Variants in ROBO1 observed in about 807,000 individuals in gnomAD.
ROBO1 encodes the protein roundabout homolog 1.
ROBO1 carries 149 observed loss-of-function variants against 195.9 expected under a neutral mutation model. That is an observed-to-expected ratio of 0.76 (90% CI 0.67 to 0.87). The LOEUF is 0.87. Ranked by LOEUF, ROBO1 falls within the 40% of genes least tolerant of loss-of-function variation. The probability of loss-of-function intolerance (pLI) is 0.00; values close to 1 mark genes in which losing one functional copy is unlikely to be tolerated. For missense variants in ROBO1, 1,933 were observed against 2,068.3 expected (o/e 0.93, Z 1.27); for synonymous variants, 816 against 733.2 (o/e 1.11, Z -1.82).
chr3:79,106,983 A>C (rs985266496), intron 3 of ROBO1, among the ~76,000 whole-genome samples: 2 of 151,670 alleles, frequency 1.3e-5, no homozygotes, highest in Non-Finnish European at 3.0e-5. Context: ...CAATAATCTG[A>C]AGTCAACACA....
intron 4 of ROBO1, among the ~76,000 whole-genome samples, chr3:78,891,653 A>G (rs2036902282): frequency 6.6e-6 from 1 of 152,248 alleles, no homozygotes; most frequent in Non-Finnish European, 1.5e-5. Context: ...TGTGTTAGCA[A>G]CATATTCATA....
intron 3 of ROBO1, among the ~76,000 whole-genome samples, chr3:79,065,801 C>T (rs183284384): frequency 6.6e-6 from 1 of 152,020 alleles, no homozygotes; most frequent in East Asian, 1.9e-4. Context: ...AAGGATCTAA[C>T]ATATATCCTG....
intron 3 of ROBO1, among the ~76,000 whole-genome samples, chr3:79,037,444 G>A (rs2078400810): frequency 6.6e-6 from 1 of 152,054 alleles, no homozygotes; most frequent in Non-Finnish European, 1.5e-5. Flanking sequence ...TGTAGACATT[G>A]TTGATTTAGC....
chr3:78,627,691 G>T, intron 25 of ROBO1, 122 bp from the exon 26 acceptor site: 1 of 1,085,288 alleles, frequency 9.2e-7, no homozygotes, highest in Non-Finnish European at 1.3e-6. Context: ...TCACATTAAG[G>T]AGATATTATT....
chr3:79,169,161 G>A (rs1356632022), intron 2 of ROBO1, among the ~76,000 whole-genome samples: 1 of 152,076 alleles, frequency 6.6e-6, no homozygotes, highest in African/African-American at 2.4e-5. Context: ...ATTGATGACT[G>A]GGATCTCTTC....
At chr3:78,751,146 A>G (rs1165784917) in intron 4 of ROBO1, among the ~76,000 whole-genome samples, 4 of 152,152 alleles carry the variant, frequency 2.6e-5, no homozygotes, top group Admixed American at 2.6e-4. Context: ...CATTGTGAAT[A>G]TTTGTGAACT....
chr3:79,387,532 C>A (rs927667074), intron 2 of ROBO1, among the ~76,000 whole-genome samples: 2 of 151,318 alleles, frequency 1.3e-5, no homozygotes, highest in South Asian at 2.1e-4. Context: ...TAGTAAAATG[C>A]CATCATGGTT....
At chr3:79,699,027 T>C (rs1947530575) in intron 1 of ROBO1, among the ~76,000 whole-genome samples, 1 of 150,968 alleles carries the variant, frequency 6.6e-6, no homozygotes, top group African/African-American at 2.4e-5. Flanking sequence ...CTGTGTAGTT[T>C]TTTTCAAAGA....
At chr3:78,798,735 G>T (rs1358219502) in intron 4 of ROBO1, among the ~76,000 whole-genome samples, 28 of 152,094 alleles carry the variant, frequency 1.8e-4, no homozygotes, top group Admixed American at 1.8e-3. Flanking sequence ...GTAATCCAAA[G>T]GTACAACAAT....
intron 2 of ROBO1, among the ~76,000 whole-genome samples, chr3:79,458,692 CT>C (rs2039698734): frequency 6.6e-6 from 1 of 151,848 alleles, no homozygotes; most frequent in Admixed American, 6.6e-5. Flanking sequence ...AAACGAAACA[CT>C]ATGATTTTCC....
rs752673251 is a variant in ROBO1 at position 79,559,002 on chromosome 3, A to G, written c.88+30822T>C. 1.4e-4 allele frequency among the ~76,000 whole-genome samples: 22 copies of G among 152,292 alleles called. No individual in the cohort carries two copies. In the East Asian group the frequency reaches 3.7e-3, roughly 25 times the overall value. ...TCAATAATTGAATCCCCACATAACA[A>G]ACCTAACGTAGTATGTAAACAAGCC... On this transcript the variant is annotated intron_variant, in intron 2 of 30. Coordinates refer to ENST00000464233, the MANE Select transcript of ROBO1 (RefSeq NM_002941.4).
chr3:79,677,507 T>C (rs1045131700), intron 1 of ROBO1, among the ~76,000 whole-genome samples: 1 of 152,090 alleles, frequency 6.6e-6, no homozygotes, highest in African/African-American at 2.4e-5. Context: ...TCAGATGTTA[T>C]GAGACTTATT....
At chr3:79,387,040 T>C (rs1214635324) in intron 2 of ROBO1, among the ~76,000 whole-genome samples, 1 of 152,126 alleles carries the variant, frequency 6.6e-6, no homozygotes, top group Non-Finnish European at 1.5e-5. Context: ...AATTTTGAGA[T>C]GTAGAAGGGA....
At chr3:78,848,339 C>A (rs1030679986) in intron 4 of ROBO1, among the ~76,000 whole-genome samples, 2 of 152,128 alleles carry the variant, frequency 1.3e-5, no homozygotes, top group Admixed American at 6.6e-5. Flanking sequence ...TTGCACCAAC[C>A]TAATATTTTC....
chr3:79,107,396 TAA>T (rs994728786), intron 3 of ROBO1, among the ~76,000 whole-genome samples: 2 of 151,784 alleles, frequency 1.3e-5, no homozygotes, highest in African/African-American at 2.4e-5. Context: ...TGTTTCATTA[TAA>T]GAGTTATAGC....
At chr3:78,849,749 A>G (rs2033918340) in intron 4 of ROBO1, among the ~76,000 whole-genome samples, 1 of 151,680 alleles carries the variant, frequency 6.6e-6, no homozygotes, top group Middle Eastern at 3.2e-3. Flanking sequence ...TGTTTAATTC[A>G]TGATTTTCAA....
At chr3:78,943,008 A>T (rs1274328258) in intron 3 of ROBO1, among the ~76,000 whole-genome samples, 1 of 151,784 alleles carries the variant, frequency 6.6e-6, no homozygotes, top group Non-Finnish European at 1.5e-5. Flanking sequence ...AGGTCAGGAG[A>T]TGGAGACCAT....
rs1232851259 is a variant in ROBO1 at position 79,424,440 on chromosome 3, T to G, written c.88+165384A>C. On this transcript the variant is annotated intron_variant, in intron 2 of 30. Coordinates refer to ENST00000464233, the MANE Select transcript of ROBO1 (RefSeq NM_002941.4). ...GAAAATATCATATCATATATATATATATCATATACTCCTCAAGTGAATGAA... is the reference window on the plus strand; with the variant it reads ...GAAAATATCATATCATATATATATAGATCATATACTCCTCAAGTGAATGAA... Among the ~76,000 whole-genome samples the G allele has an allele frequency of 7.2e-5, 11 of 152,082 alleles. 1 individual carries two copies. In the South Asian group the frequency reaches 1.7e-3, roughly 23 times the overall value.
In ROBO1 at chr3:79,571,085, GT is replaced by G. The variant is rs370398701; in HGVS notation, c.88+18738del. Among the ~76,000 whole-genome samples, 118 of 152,186 alleles carry G rather than the reference GT, an allele frequency of 7.8e-4. No individual in the cohort carries two copies. The East Asian group carries it at 0.018, about 23-fold the overall frequency. ...ATGCCTGCAGAGCTGGGTGATAATG[GT>G]TTTGACAATAATTCATGGTATGTTT... On this transcript the variant is annotated intron_variant, in intron 2 of 30. Coordinates refer to ENST00000464233, the MANE Select transcript of ROBO1 (RefSeq NM_002941.4).
Sources: gnomAD v4.1 joint callset for allele counts (sites outside exome capture counted in the v4.1 genomes callset) on GRCh38, gnomAD v4.1.1 for gene constraint, MANE v1.5 for transcripts, NCBI Gene and HGNC (gene_info 2026-07-23, HGNC 2026-07-21) for gene names.